The following RAD1 variants were observed in gnomAD, a reference collection of about 807,000 sequenced individuals.
The protein encoded by RAD1 is cell cycle checkpoint protein RAD1.
RAD1 carries 21 observed loss-of-function variants against 30.0 expected under a neutral mutation model. That is an observed-to-expected ratio of 0.70 (90% CI 0.50 to 1.01). RAD1 has a LOEUF of 1.01. Among genes scored for constraint, RAD1 ranks in the 50% least tolerant of loss-of-function variants. RAD1 has a pLI of 0.00. For missense variants in RAD1, 329 were observed against 329.0 expected, an observed-to-expected ratio of 1.00 and a Z score of 0.00; for synonymous variants, 109 against 113.6, an observed-to-expected ratio of 0.96 and a Z score of 0.26.
chr5:34,911,889 AT>A, intron 3 of RAD1, 77 bp from the exon 4 acceptor site: 3 of 1,493,626 alleles, frequency 2.0e-6, no homozygotes, highest in Non-Finnish European at 2.7e-6. Context: ...GATACATAAA[AT>A]TTCTCAAGAA....
intron 5 of RAD1, 68 bp from the exon 6 acceptor site, chr5:34,909,016 G>T: frequency 7.4e-7 from 1 of 1,351,380 alleles, no homozygotes; most frequent in Non-Finnish European, 1.0e-6. Context: ...CCCAAGTAAA[G>T]GATAAAAAGT....
intron 2 of RAD1, 70 bp from the exon 3 acceptor site, chr5:34,913,648 T>C (rs975142922): frequency 5.5e-6 from 5 of 913,618 alleles, no homozygotes. Flanking sequence ...GTCCTAGATT[T>C]CACTTTATAC....
At chr5:34,910,568 T>C (rs1249134302) in intron 4 of RAD1, among the ~76,000 whole-genome samples, 1 of 151,930 alleles carries the variant, frequency 6.6e-6, no homozygotes, top group African/African-American at 2.4e-5. Context: ...GCTGGGATTA[T>C]AGGCACGTGC....
intron 2 of RAD1, 59 bp from the exon 3 acceptor site, chr5:34,913,637 G>A: frequency 2.9e-6 from 3 of 1,019,650 alleles, no homozygotes; most frequent in Non-Finnish European, 2.9e-6. Context: ...AATAATATAA[G>A]GTCCTAGATT....
At position 34,905,492 on chromosome 5, in the gene RAD1, T is replaced by G. The variant is rs1487256459; in HGVS notation, c.*3273A>C. On this transcript the variant is annotated 3_prime_UTR_variant, in exon 6 of 6. Coordinates refer to ENST00000382038, the MANE Select transcript of RAD1 (RefSeq NM_002853.4). ...GACTGTGTTACATGCCTTATTTTTA[T>G]TAAAGTGGAATTTAACAAATACTTT... 6.6e-6 allele frequency: 1 copy of G among 152,070 alleles called. No homozygotes were observed. Among genetic ancestry groups the G allele is most frequent in the Non-Finnish European group, 1.5e-5 (1 of 68,024 alleles). 9.4% of individuals were successfully genotyped at this position (152,070 alleles called of 1,614,324 possible). A position where few individuals can be genotyped will look rare whatever the true frequency, so the allele number is the denominator to read the frequency against.
At position 34,907,714 on chromosome 5, in the gene RAD1, A is replaced by G. The variant is rs1180180397; in HGVS notation, c.*1051T>C. ...TGAGAAGAAGAAGAAAACCTGTAAC[A>G]CTGAAAATTGCTTTATATCCCATTC... On this transcript the variant is annotated 3_prime_UTR_variant, in exon 6 of 6. Coordinates refer to ENST00000382038, the MANE Select transcript of RAD1 (RefSeq NM_002853.4). 1.3e-5 allele frequency: 2 copies of G among 152,212 alleles called. No individual in the cohort carries two copies. The highest frequency in any genetic ancestry group is 2.9e-5 in the Non-Finnish European group (2 of 68,046). 9.4% of individuals were successfully genotyped at this position (152,212 alleles called of 1,614,324 possible).
chr5:34,912,817 T>C (rs1255141309), intron 3 of RAD1, among the ~76,000 whole-genome samples: 1 of 152,144 alleles, frequency 6.6e-6, no homozygotes, highest in African/African-American at 2.4e-5. Context: ...CTGGCTAATA[T>C]GGTGAAACCC....
chr5:34,913,924 T>C (rs879358034), intron 2 of RAD1: 1 of 456,670 alleles, frequency 2.2e-6, no homozygotes, highest in South Asian at 1.6e-5. Flanking sequence ...TCACTATGAT[T>C]ACCCAGGCTG....
chr5:34,913,393 AT>A, intron 3 of RAD1, 76 bp downstream of exon 3: 1 of 783,120 alleles, frequency 1.3e-6, no homozygotes. Flanking sequence ...ACCAATGTTT[AT>A]GTTCCAAATA....
rs200798685 is a variant in RAD1, at chr5:34,913,582, T to C, written c.199-4A>G. Reference sequence around the variant, plus strand: ...TAAACTCCTGAAATATTCCAGCCTATGAAAAGAGTAAAAATGAAAATTGTT... The same window carrying C: ...TAAACTCCTGAAATATTCCAGCCTACGAAAAGAGTAAAAATGAAAATTGTT... On this transcript the variant is annotated splice_region_variant and splice_polypyrimidine_tract_variant and intron_variant, in intron 2 of 5. Coordinates refer to ENST00000382038, the MANE Select transcript of RAD1 (RefSeq NM_002853.4). 6.0e-4 allele frequency: 922 copies of C among 1,537,408 alleles called. No homozygotes were observed. Among genetic ancestry groups the C allele is most frequent in the Non-Finnish European group, 7.6e-4 (855 of 1,129,888 alleles).
In RAD1 at chr5:34,906,582, T is replaced by C. The variant is rs1057238976; in HGVS notation, c.*2183A>G. The C allele has an allele frequency of 2.6e-5, 4 of 151,898 alleles. No individual in the cohort carries two copies. The highest frequency in any genetic ancestry group is 9.7e-5 in the African/African-American group (4 of 41,356). The allele number at this position is 151,898 out of a possible 1,614,324, so 9.4% of individuals were successfully genotyped here. A position where few individuals can be genotyped will look rare whatever the true frequency, so the allele number is the denominator to read the frequency against. ...TGAGCCTAGGAGATTGAGGCTGGAG[T>C]GAACTGTAATCCTACAACTGTACTC... is the stretch of plus-strand genomic sequence containing the variant. On this transcript the variant is annotated 3_prime_UTR_variant, in exon 6 of 6. Coordinates refer to ENST00000382038, the MANE Select transcript of RAD1 (RefSeq NM_002853.4).
At chr5:34,912,324 G>C (rs934670935) in intron 3 of RAD1, among the ~76,000 whole-genome samples, 1 of 152,182 alleles carries the variant, frequency 6.6e-6, no homozygotes, top group Non-Finnish European at 1.5e-5. Context: ...GAGAGAAAAA[G>C]AGGGTTGTTA....
intron 2 of RAD1, chr5:34,913,902 G>A: frequency 1.1e-5 from 5 of 437,768 alleles, no homozygotes; most frequent in Non-Finnish European, 2.3e-5. Context: ...ATTTTTTATT[G>A]ATACGGGGGT....
In RAD1 at chr5:34,906,597, C is replaced by CAACT. The variant is rs1294008684; in HGVS notation, c.*2164_*2167dup. On this transcript the variant is annotated 3_prime_UTR_variant, in exon 6 of 6. Transcript: ENST00000382038. The stretch of plus-strand genomic sequence containing the variant: ...GAGGCTGGAGTGAACTGTAATCCTA[C>CAACT]AACTGTACTCCAGCCTGGGCAACAG... 1 of 152,112 alleles carries CAACT rather than the reference C, an allele frequency of 6.6e-6. No individual in the cohort carries two copies. Among genetic ancestry groups the CAACT allele is most frequent in the African/African-American group, 2.4e-5 (1 of 41,426 alleles). The allele number at this position is 152,112 out of a possible 1,614,324, so 9.4% of individuals were successfully genotyped here.
At position 34,914,680 on chromosome 5, in the gene RAD1, C is replaced by T. The variant is rs200101899; in HGVS notation, c.198+15G>A. The T allele has an allele frequency of 1.8e-4, 294 of 1,613,344 alleles. No homozygotes were observed. Among genetic ancestry groups the T allele is most frequent in the Non-Finnish European group, 2.4e-5 (28 of 1,179,266 alleles). The stretch of plus-strand genomic sequence containing the variant: ...AGTATCTATGGCACAGGCTTAAAGG[C>T]GCCTACTTCCATACCTGAATAAAAG... On this transcript the variant is annotated intron_variant, in intron 2 of 5. Coordinates refer to ENST00000382038, the MANE Select transcript of RAD1 (RefSeq NM_002853.4).
At chr5:34,912,927 G>C (rs1763897994) in intron 3 of RAD1, among the ~76,000 whole-genome samples, 2 of 152,166 alleles carry the variant, frequency 1.3e-5, no homozygotes. Context: ...CTTGAACCCG[G>C]GAGGCAGAGG....
intron 4 of RAD1, among the ~76,000 whole-genome samples, chr5:34,909,883 T>C (rs894778811): frequency 2.0e-5 from 3 of 152,228 alleles, no homozygotes; most frequent in Non-Finnish European, 4.4e-5. Flanking sequence ...GAACATTTGC[T>C]GCAGGATTAG....
At chr5:34,914,175 C>T (rs1011054110) in intron 2 of RAD1, 1 of 310,568 alleles carries the variant, frequency 3.2e-6, no homozygotes. Flanking sequence ...TCTATTACAA[C>T]CAGTAAAGGA....
chr5:34,910,140 G>A (rs1046474957), intron 4 of RAD1, among the ~76,000 whole-genome samples: 1 of 151,944 alleles, frequency 6.6e-6, no homozygotes, highest in African/African-American at 2.4e-5. Context: ...CCCTAGTGTC[G>A]CAGGTACTTA....
Sources: gnomAD v4.1 joint callset for allele counts (sites outside exome capture counted in the v4.1 genomes callset) on GRCh38, gnomAD v4.1.1 for gene constraint, MANE v1.5 for transcripts, NCBI Gene and HGNC (gene_info 2026-07-23, HGNC 2026-07-21) for gene names.